Variants in SGSH observed in about 807,000 individuals in gnomAD.
SGSH encodes the protein N-sulfoglucosamine sulfohydrolase.
Under a neutral mutation model 51.0 loss-of-function variants are expected in SGSH, and 48 were observed. The ratio of observed to expected loss-of-function variants is 0.94; its 90% CI spans 0.75 to 1.20. The LOEUF (loss-of-function observed/expected upper bound fraction) is 1.20, where lower values mean the gene tolerates loss of function less well. SGSH is among the 50% of genes most tolerant of loss of function. The pLI, the probability that SGSH is intolerant of heterozygous loss-of-function variation, is 0.00. For synonymous variants in SGSH, 321 were observed against 313.4 expected, an observed-to-expected ratio of 1.02 and a Z score of -0.26; for missense variants, 662 against 717.8, an observed-to-expected ratio of 0.92 and a Z score of 0.89.
chr17:80,216,874 C>T, intron 2 of SGSH, 158 bp downstream of exon 2: 1 of 706,470 alleles, frequency 1.4e-6, no homozygotes, highest in Non-Finnish European at 2.3e-6. Context: ...CCCTAGTCTG[C>T]ACTCACAGCC....
chr17:80,215,735 C>T (rs949596184), intron 2 of SGSH, among the ~76,000 whole-genome samples: 4 of 152,090 alleles, frequency 2.6e-5, no homozygotes, highest in African/African-American at 9.7e-5. Context: ...AGGAGAATGG[C>T]TTGAATCTGG....
In SGSH at chr17:80,213,957, G is replaced by A. The variant is rs2041780402; in HGVS notation, c.664-72C>T. Reference sequence around the variant, plus strand: ...GAGCGGTGTCCAGCCTTCTCCCCGGGGCCTCCTGCAAATGGGTTAGCCCAG... The same window carrying A: ...GAGCGGTGTCCAGCCTTCTCCCCGGAGCCTCCTGCAAATGGGTTAGCCCAG... On this transcript the variant is annotated intron_variant, in intron 5 of 7. Coordinates refer to ENST00000326317, the MANE Select transcript of SGSH (RefSeq NM_000199.5). The surrounding 1 kb of genome is among the most constrained non-coding windows in gnomAD (Gnocchi z 4.6). 3 of 1,455,418 alleles carry A rather than the reference G, an allele frequency of 2.1e-6. No individual in the cohort carries two copies. The highest frequency in any genetic ancestry group is 2.4e-5 in the South Asian group (2 of 83,754). The allele number at this position is 1,455,418 out of a possible 1,614,324, so 90.2% of individuals were successfully genotyped here.
At chr17:80,216,639 C>T (rs2041902094) in intron 2 of SGSH, 1 of 258,876 alleles carries the variant, frequency 3.9e-6, no homozygotes, top group Admixed American at 4.8e-5. Context: ...TGCACCATGG[C>T]GTTCCTGGGA....
rs75720127 is a variant in SGSH, at chr17:80,220,218, G to A, written c.88+8C>T. The A allele has an allele frequency of 3.1e-5, 47 of 1,513,616 alleles. 1 individual carries two copies. In the East Asian group the frequency reaches 1.2e-3, roughly 37 times the overall value. The allele number at this position is 1,513,616 out of a possible 1,614,324, so 93.8% of individuals were successfully genotyped here. On this transcript the variant is annotated splice_region_variant and intron_variant, in intron 1 of 7. Coordinates refer to ENST00000326317, the MANE Select transcript of SGSH (RefSeq NM_000199.5). ...AGGTGGGCGTGGGGGGGCGGCGCCG[G>A]CACTCACCGAGGAGCAGCAGTGCGT...
Position 80,212,419 on chromosome 17 carries a change from T to C in SGSH, c.746-145A>G, listed in dbSNP as rs1461984105. ...GAAAGCACCCTGTAGTTCTTCCCAATGGCCCTGGCTCTTGCCCAGCTCTTG... is the reference window on the plus strand; with the variant it reads ...GAAAGCACCCTGTAGTTCTTCCCAACGGCCCTGGCTCTTGCCCAGCTCTTG... On this transcript the variant is annotated intron_variant, in intron 6 of 7. Transcript: ENST00000326317. The surrounding 1 kb of genome is among the most constrained non-coding windows in gnomAD (Gnocchi z 5.9). The C allele has an allele frequency of 6.8e-6, 5 of 735,416 alleles. No individual in the cohort carries two copies. The African/African-American group carries it at 6.9e-5, about 10-fold the overall frequency. 45.6% of individuals were successfully genotyped at this position (735,416 alleles called of 1,614,324 possible). A position where few individuals can be genotyped will look rare whatever the true frequency, so the allele number is the denominator to read the frequency against.
Position 80,215,152 on chromosome 17 carries a change from C to T in SGSH, c.250-14G>A, listed in dbSNP as rs777111086. The T allele has an allele frequency of 1.2e-5, 19 of 1,603,386 alleles. No individual in the cohort carries two copies. Among genetic ancestry groups the T allele is most frequent in the Non-Finnish European group, 1.4e-5 (16 of 1,175,164 alleles). On this transcript the variant is annotated splice_polypyrimidine_tract_variant and intron_variant, in intron 2 of 7. Coordinates refer to ENST00000326317, the MANE Select transcript of SGSH (RefSeq NM_000199.5). ...CCCATTCTGATGCTGCCAGCAAAGGCGCATGAGGTCCGGGGCCCCCGGACA... is the reference window on the plus strand; with the variant it reads ...CCCATTCTGATGCTGCCAGCAAAGGTGCATGAGGTCCGGGGCCCCCGGACA...
the SGSH span, chr17:80,201,474 A>G: frequency 2.1e-6 from 1 of 479,322 alleles, no homozygotes; most frequent in Non-Finnish European, 3.7e-6. This position sits in a 1 kb window ranked among gnomAD's most constrained non-coding sequence, Gnocchi z 5.0. Flanking sequence ...TCAAGACAGG[A>G]AAGTGCTTAT....
the SGSH span, chr17:80,201,425 T>C: frequency 5.8e-6 from 2 of 344,440 alleles, no homozygotes; most frequent in Non-Finnish European, 1.1e-5. The surrounding 1 kb of genome is among the most constrained non-coding windows in gnomAD (Gnocchi z 5.0). Flanking sequence ...TCTTGAATGT[T>C]CTAGAACCGA....
intron 3 of SGSH, 51 bp downstream of exon 3, chr17:80,214,982 C>T (rs1293502325): frequency 1.3e-6 from 2 of 1,516,836 alleles, no homozygotes; most frequent in Middle Eastern, 1.7e-4. Context: ...TGGGCTCTGG[C>T]CTGGCCTCTG....
At chr17:80,205,017 G>A (rs752390972), downstream of SGSH, 1 of 1,545,320 alleles carries the variant, frequency 6.5e-7, no homozygotes, top group African/African-American at 1.4e-5. Context: ...CCCACCCTCA[G>A]GATCCTCTCC....
chr17:80,215,047 GCT>G lies in SGSH; in HGVS notation c.339_340del (p.Gln113HisfsTer22). On this transcript the variant is annotated frameshift_variant, in exon 3 of 8. Coordinates refer to ENST00000326317, the MANE Select transcript of SGSH (RefSeq NM_000199.5). LOFTEE classifies it high-confidence loss of function. ...GGGGTCCTCACCTGTGCGCACACCA[GCT>G]TGGCTGAGCAGCAGCGGCAGGCTCC... 6.2e-7 allele frequency: 1 copy of G among 1,611,082 alleles called. No individual in the cohort carries two copies. The highest frequency in any genetic ancestry group is 8.5e-7 in the Non-Finnish European group (1 of 1,179,768).
the SGSH span, chr17:80,201,605 G>A: frequency 4.7e-6 from 4 of 849,566 alleles, no homozygotes; most frequent in African/African-American, 5.0e-5. This position sits in a 1 kb window ranked among gnomAD's most constrained non-coding sequence, Gnocchi z 5.0. Flanking sequence ...GTGTGGCTTT[G>A]TTTTGACCAA....
At position 80,210,407 on chromosome 17, in the gene SGSH, T is replaced by G. The variant is rs767867805; in HGVS notation, c.*45A>C. On this transcript the variant is annotated 3_prime_UTR_variant, in exon 8 of 8. Transcript: ENST00000326317. ...CGGCCACACGGACACGTGTGGGATGTGTCTGGGACATGCCTGGGATGTGTG... is the reference window on the plus strand; with the variant it reads ...CGGCCACACGGACACGTGTGGGATGGGTCTGGGACATGCCTGGGATGTGTG... 26 of 1,538,986 alleles carry G rather than the reference T, an allele frequency of 1.7e-5. No individual in the cohort carries two copies. The Admixed American group carries it at 4.6e-4, about 27-fold the overall frequency.
downstream of SGSH, chr17:80,205,745 C>T (rs1203916840): frequency 2.3e-6 from 3 of 1,324,188 alleles, no homozygotes; most frequent in Non-Finnish European, 3.0e-6. Context: ...CAGGGACCGA[C>T]CTGAGACCTG....
chr17:80,203,996 G>A, downstream of SGSH: 2 of 939,764 alleles, frequency 2.1e-6, no homozygotes, highest in Non-Finnish European at 3.2e-6. This position sits in a 1 kb window ranked among gnomAD's most constrained non-coding sequence, Gnocchi z 4.6. Flanking sequence ...TGATTGGAGG[G>A]TAACCCCACC....
downstream of SGSH, chr17:80,204,631 A>G: frequency 2.8e-6 from 1 of 361,100 alleles, no homozygotes; most frequent in Non-Finnish European, 5.1e-6. Context: ...TCTCAGGAAA[A>G]AAAAAAAATT....
intron 1 of SGSH, 156 bp downstream of exon 1, chr17:80,220,070 G>A: frequency 1.8e-6 from 1 of 561,172 alleles, no homozygotes; most frequent in African/African-American, 2.0e-5. Flanking sequence ...TGAAGAGTCT[G>A]GGGGCGGCAC....
At position 80,210,000 on chromosome 17, in the gene SGSH, C is replaced by A. The variant is rs886053556; in HGVS notation, c.*452G>T. On this transcript the variant is annotated 3_prime_UTR_variant, in exon 8 of 8. Transcript: ENST00000326317. Reference sequence around the variant, plus strand: ...GACCTGCGTACTGCCCACGCGGCACCGAAGCCCCTGCCTGCTCTCTGTGAA... The same window carrying A: ...GACCTGCGTACTGCCCACGCGGCACAGAAGCCCCTGCCTGCTCTCTGTGAA... 1.4e-5 allele frequency: 15 copies of A among 1,039,972 alleles called. No individual in the cohort carries two copies. Among genetic ancestry groups the A allele is most frequent in the Non-Finnish European group, 1.7e-5 (15 of 862,748 alleles). 64.4% of individuals were successfully genotyped at this position (1,039,972 alleles called of 1,614,324 possible). A position where few individuals can be genotyped will look rare whatever the true frequency, so the allele number is the denominator to read the frequency against.
In SGSH at chr17:80,217,106, G is replaced by C; in HGVS notation, c.175C>G (p.Leu59Val). 1.2e-6 allele frequency: 2 copies of C among 1,605,864 alleles called. No homozygotes were observed. The highest frequency in any genetic ancestry group is 1.7e-6 in the Non-Finnish European group (2 of 1,177,526). Residue 59 changes from leucine (L) to valine (V), a missense_variant, in exon 2 of 8, where the codon CTC (leucine) becomes GTC (valine). By Grantham distance (32) the Leu-to-Val change is conservative (BLOSUM62 1). Coordinates refer to ENST00000326317, the MANE Select transcript of SGSH (RefSeq NM_000199.5). The part of the protein sequence containing the change: ...HLDALARRSL[L>V]FRNAFTSVSS... ...ACCGAGGTGAAGGCATTGCGAAAGA[G>C]GAGGCTGCGGCGGGCCAAGGCGTCC... is the stretch of plus-strand genomic sequence containing the variant.
Sources: allele counts gnomAD v4.1 joint callset (sites outside exome capture counted in the v4.1 genomes callset), GRCh38; gene constraint gnomAD v4.1.1; non-coding constraint Gnocchi (gnomAD v3.1); transcripts MANE v1.5; gene names NCBI Gene and HGNC (gene_info 2026-07-23, HGNC 2026-07-21).